Variants in LHFPL3 observed in about 807,000 individuals in gnomAD.
LHFPL3 encodes the protein LHFPL tetraspan subfamily member 3.
LHFPL3 carries 5 observed loss-of-function variants against 19.3 expected under a neutral mutation model. The ratio of observed to expected loss-of-function variants is 0.26; its 90% CI spans 0.14 to 0.54. LHFPL3 has a LOEUF of 0.54. Ranked by LOEUF, LHFPL3 falls within the 20% of genes least tolerant of loss-of-function variation. The pLI is 0.94. For synonymous variants in LHFPL3, 133 were observed against 126.2 expected (o/e 1.05, Z -0.36); for missense variants, 249 against 307.4 (o/e 0.81, Z 1.42).
At chr7:104,578,063 A>G (rs535558833) in intron 1 of LHFPL3, among the ~76,000 whole-genome samples, 1 of 152,348 alleles carries the variant, frequency 6.6e-6, no homozygotes, top group Non-Finnish European at 1.5e-5. Flanking sequence ...AAAGAAATGC[A>G]GTAAAGGAAA....
At chr7:104,604,455 T>C (rs979118465) in intron 1 of LHFPL3, among the ~76,000 whole-genome samples, 2 of 152,248 alleles carry the variant, frequency 1.3e-5, no homozygotes, top group Non-Finnish European at 2.9e-5. Flanking sequence ...CCCATTGTCC[T>C]GTAGCACCTG....
intron 1 of LHFPL3, among the ~76,000 whole-genome samples, chr7:104,358,638 C>CAGAT (rs1790332011): frequency 6.6e-6 from 1 of 152,188 alleles, no homozygotes; most frequent in Non-Finnish European, 1.5e-5. Context: ...GGGTGACTTT[C>CAGAT]ACAGAGCCAG....
chr7:104,344,123 A>G (rs1418717787), intron 1 of LHFPL3, among the ~76,000 whole-genome samples: 1 of 152,176 alleles, frequency 6.6e-6, no homozygotes, highest in Admixed American at 6.5e-5. Context: ...TGATCAAATT[A>G]CTTTTCCAAA....
chr7:104,575,570 A>AAAAAAAAC (rs1790321237), intron 1 of LHFPL3, among the ~76,000 whole-genome samples: 1 of 148,826 alleles, frequency 6.7e-6, no homozygotes, highest in Admixed American at 6.7e-5. Flanking sequence ...AAAAAAAAAA[A>AAAAAAAAC]AAAAAAAAAA....
intron 1 of LHFPL3, among the ~76,000 whole-genome samples, chr7:104,598,155 C>A (rs1285568980): frequency 6.6e-6 from 1 of 152,132 alleles, no homozygotes; most frequent in Non-Finnish European, 1.5e-5. Context: ...AATTTTCAAG[C>A]ACAAAATTAA....
intron 1 of LHFPL3, among the ~76,000 whole-genome samples, chr7:104,463,759 A>G (rs558494447): frequency 7.9e-5 from 12 of 152,324 alleles, no homozygotes; most frequent in South Asian, 2.1e-4. Context: ...CCATGATTCA[A>G]TTACCTTCCA....
intron 1 of LHFPL3, among the ~76,000 whole-genome samples, chr7:104,365,735 T>C (rs1584269514): frequency 7.8e-6 from 1 of 128,990 alleles, no homozygotes; most frequent in East Asian, 2.4e-4. Flanking sequence ...GAGCCGAGAT[T>C]GCGCCACTGC....
intron 1 of LHFPL3, among the ~76,000 whole-genome samples, chr7:104,488,503 A>G (rs1169104465): frequency 1.3e-5 from 2 of 151,984 alleles, no homozygotes; most frequent in Admixed American, 1.3e-4. Flanking sequence ...ATATATTTTC[A>G]CTTTAGAAGT....
At chr7:104,502,164 A>G (rs977076364) in intron 1 of LHFPL3, among the ~76,000 whole-genome samples, 3 of 152,212 alleles carry the variant, frequency 2.0e-5, no homozygotes, top group Non-Finnish European at 2.9e-5. Flanking sequence ...TTCACATCCA[A>G]AAGAACTGCA....
intron 2 of LHFPL3, among the ~76,000 whole-genome samples, chr7:104,749,272 A>G (rs959861029): frequency 6.6e-5 from 10 of 152,290 alleles, no homozygotes; most frequent in Admixed American, 1.3e-4. Flanking sequence ...GCAGAAATGT[A>G]TAACAGTCAA....
intron 1 of LHFPL3, among the ~76,000 whole-genome samples, chr7:104,635,987 C>A (rs1385169133): frequency 6.6e-6 from 1 of 152,084 alleles, no homozygotes; most frequent in Non-Finnish European, 1.5e-5. Context: ...GGTGCCCTCC[C>A]TTTAAAGAAA....
In LHFPL3 at chr7:104,565,907, A is replaced by T. The variant is rs115123422; in HGVS notation, c.446-170768A>T. On this transcript the variant is annotated intron_variant, in intron 1 of 2. Transcript: ENST00000424859. Reference sequence around the variant, plus strand: ...TAACCATTGTTAAGTGATGACTGTGATTATATGTGACAGAGCCAACAAGCA... The same window carrying T: ...TAACCATTGTTAAGTGATGACTGTGTTTATATGTGACAGAGCCAACAAGCA... Among the ~76,000 whole-genome samples the T allele has an allele frequency of 7.6e-3, 1,152 of 152,222 alleles. 16 individuals are homozygous for T. The highest frequency in any genetic ancestry group is 0.026 in the African/African-American group (1,092 of 41,528).
At chr7:104,858,908 A>G (rs1187535078) in intron 2 of LHFPL3, among the ~76,000 whole-genome samples, 1 of 151,784 alleles carries the variant, frequency 6.6e-6, no homozygotes, top group Admixed American at 6.6e-5. Flanking sequence ...TGCACATGCC[A>G]TACCTAGAGC....
intron 1 of LHFPL3, among the ~76,000 whole-genome samples, chr7:104,382,528 C>T (rs1790847890): frequency 6.6e-6 from 1 of 152,150 alleles, no homozygotes; most frequent in Non-Finnish European, 1.5e-5. Flanking sequence ...GGGAGGCTTG[C>T]AAGTCGTTGA....
chr7:104,675,031 T>C (rs753817053), intron 1 of LHFPL3, among the ~76,000 whole-genome samples: 2 of 152,328 alleles, frequency 1.3e-5, no homozygotes, highest in South Asian at 2.1e-4. Context: ...AACGTTTTGA[T>C]GCGAAAAACT....
chr7:104,520,545 T>C (rs1490990023), intron 1 of LHFPL3, among the ~76,000 whole-genome samples: 1 of 138,588 alleles, frequency 7.2e-6, no homozygotes, highest in Non-Finnish European at 1.6e-5. Context: ...CTTGTACCTC[T>C]GGTAGAATTC....
At chr7:104,652,098 G>C (rs936145694) in intron 1 of LHFPL3, among the ~76,000 whole-genome samples, 1 of 152,144 alleles carries the variant, frequency 6.6e-6, no homozygotes, top group African/African-American at 2.4e-5. Context: ...AACTGAGAAG[G>C]GAAGTACAAA....
chr7:104,770,536 G>A (rs547433523), intron 2 of LHFPL3, among the ~76,000 whole-genome samples: 37 of 152,272 alleles, frequency 2.4e-4, no homozygotes, highest in Admixed American at 5.9e-4. Context: ...TTAAATACTC[G>A]CTTATTAAGC....
rs956232638 is a variant in LHFPL3 at position 104,907,081 on chromosome 7, C to T, written c.*866C>T. The T allele has an allele frequency of 6.6e-6, 1 of 152,540 alleles. No individual in the cohort carries two copies. The highest frequency in any genetic ancestry group is 1.5e-5 in the Non-Finnish European group (1 of 68,000). The allele number at this position is 152,540 out of a possible 1,614,324, so 9.4% of individuals were successfully genotyped here. A position where few individuals can be genotyped will look rare whatever the true frequency, so the allele number is the denominator to read the frequency against. ...ATATTATAGGCTACTATCAAATAAA[C>T]ACTTTTTTTCTAATTCTCCCTAGTA... On this transcript the variant is annotated 3_prime_UTR_variant, in exon 3 of 3. Transcript: ENST00000424859.
Sources: gnomAD v4.1 joint callset for allele counts (sites outside exome capture counted in the v4.1 genomes callset) on GRCh38, gnomAD v4.1.1 for gene constraint, MANE v1.5 for transcripts, NCBI Gene and HGNC (gene_info 2026-07-23, HGNC 2026-07-21) for gene names.